Variants in NR1D2 observed in about 807,000 individuals in gnomAD.
NR1D2 encodes the protein V-erbA-related protein 1-related.
In NR1D2, 25 loss-of-function variants were observed where a neutral mutation model predicts 52.2. That is an observed-to-expected ratio of 0.48 (90% confidence interval 0.35 to 0.67). The LOEUF is 0.67. Ranked by LOEUF, NR1D2 falls within the 30% of genes least tolerant of loss-of-function variation. NR1D2 has a pLI of 0.01. For synonymous variants in NR1D2, 259 were observed against 230.1 expected (o/e 1.13, Z -1.14); for missense variants, 681 against 707.2 (o/e 0.96, Z 0.42).
Position 23,978,260 on chromosome 3 carries a change from A to G in NR1D2, c.*841A>G, listed in dbSNP as rs1027204815. On this transcript the variant is annotated 3_prime_UTR_variant, in exon 8 of 8. Coordinates refer to ENST00000312521, the MANE Select transcript of NR1D2 (RefSeq NM_005126.5). ...TATGTATGTGAATATAGTTAAATATATTTCTTCACAATATTTTAAACTGTG... is the reference window on the plus strand; with the variant it reads ...TATGTATGTGAATATAGTTAAATATGTTTCTTCACAATATTTTAAACTGTG... 1 of 152,176 alleles carries G rather than the reference A, an allele frequency of 6.6e-6. No homozygotes were observed. The highest frequency in any genetic ancestry group is 2.4e-5 in the African/African-American group (1 of 41,458). The allele number at this position is 152,176 out of a possible 1,614,324, so 9.4% of individuals were successfully genotyped here.
At chr3:23,951,659 AATC>A (rs1705937281) in intron 1 of NR1D2, among the ~76,000 whole-genome samples, 2 of 152,248 alleles carry the variant, frequency 1.3e-5, no homozygotes, top group African/African-American at 4.8e-5. Context: ...GTATCGATGA[AATC>A]ATCAATCTTT....
chr3:23,961,458 C>G (rs1706243055), intron 4 of NR1D2, among the ~76,000 whole-genome samples: 1 of 144,974 alleles, frequency 6.9e-6, no homozygotes, highest in Non-Finnish European at 1.5e-5. Flanking sequence ...TGCATTGGCA[C>G]CATCTCGACG....
intron 6 of NR1D2, among the ~76,000 whole-genome samples, chr3:23,966,016 G>A (rs897252292): frequency 6.6e-6 from 1 of 152,136 alleles, no homozygotes; most frequent in Non-Finnish European, 1.5e-5. Flanking sequence ...ATCCTGCTTG[G>A]GCTTGGGGTA....
intron 7 of NR1D2, 134 bp downstream of exon 7, chr3:23,968,157 C>A (rs1706499990): frequency 1.5e-6 from 1 of 661,222 alleles, no homozygotes; most frequent in Non-Finnish European, 2.6e-6. Flanking sequence ...ATTGTATGAC[C>A]CTGTTATTTT....
intron 1 of NR1D2, among the ~76,000 whole-genome samples, chr3:23,946,759 G>T (rs1467634115): frequency 1.3e-5 from 2 of 152,190 alleles, no homozygotes; most frequent in African/African-American, 4.8e-5. Context: ...CTGATCAAGA[G>T]AATTTGGCTT....
intron 6 of NR1D2, among the ~76,000 whole-genome samples, chr3:23,967,015 C>A (rs558977545): frequency 5.3e-5 from 8 of 151,476 alleles, no homozygotes; most frequent in African/African-American, 1.9e-4. Flanking sequence ...CAGAGCAAGA[C>A]CCTGTCTCAA....
intron 6 of NR1D2, among the ~76,000 whole-genome samples, chr3:23,965,479 T>C (rs1706418431): frequency 6.6e-6 from 1 of 151,396 alleles, no homozygotes; most frequent in Admixed American, 6.6e-5. Flanking sequence ...ACTCCTGAGC[T>C]CAAAGCGATC....
chr3:23,975,289 A>T (rs1402068359), intron 7 of NR1D2, among the ~76,000 whole-genome samples: 5 of 142,910 alleles, frequency 3.5e-5, no homozygotes, highest in East Asian at 2.0e-4. Context: ...ATTCAATTAA[A>T]TTTTTTTTTT....
intron 7 of NR1D2, among the ~76,000 whole-genome samples, chr3:23,971,677 G>A (rs1439587084): frequency 6.9e-6 from 1 of 144,706 alleles, no homozygotes; most frequent in African/African-American, 2.6e-5. Context: ...GGTTTTGTTG[G>A]TAATTTTAAT....
intron 7 of NR1D2, among the ~76,000 whole-genome samples, chr3:23,970,117 G>A (rs947387660): frequency 6.6e-6 from 1 of 152,194 alleles, no homozygotes; most frequent in Non-Finnish European, 1.5e-5. Flanking sequence ...GTTGAACAAA[G>A]TGATGTTTAA....
At chr3:23,972,631 A>G (rs558489315) in intron 7 of NR1D2, among the ~76,000 whole-genome samples, 1 of 152,312 alleles carries the variant, frequency 6.6e-6, no homozygotes, top group South Asian at 2.1e-4. Context: ...GTGAAAATAA[A>G]TAGAATATTT....
Position 23,946,126 on chromosome 3 carries a change from C to T in NR1D2, c.16+532C>T, listed in dbSNP as rs1459518332. On this transcript the variant is annotated intron_variant, in intron 1 of 7. Transcript: ENST00000312521. ...GCAGTGACGTCGCCGCGATTCCCTC[C>T]TCCCCCGCGGGGTTGCACACTGCGG... The T allele has an allele frequency of 8.1e-6, 8 of 984,828 alleles. No homozygotes were observed. In the South Asian group the frequency reaches 1.9e-4, roughly 23 times the overall value. 61.0% of individuals were successfully genotyped at this position (984,828 alleles called of 1,614,324 possible). A position where few individuals can be genotyped will look rare whatever the true frequency, so the allele number is the denominator to read the frequency against.
intron 5 of NR1D2, chr3:23,963,249 T>A: frequency 1.5e-6 from 2 of 1,351,576 alleles, no homozygotes; most frequent in Non-Finnish European, 2.0e-6. Flanking sequence ...CAGCCAAAAT[T>A]TCACCAAAAA....
At chr3:23,950,573 A>G (rs1705897312) in intron 1 of NR1D2, among the ~76,000 whole-genome samples, 1 of 152,212 alleles carries the variant, frequency 6.6e-6, no homozygotes, top group Non-Finnish European at 1.5e-5. Flanking sequence ...AGTCAGGTTC[A>G]TAGATGGGTG....
At chr3:23,960,065 T>G (rs1706196312) in intron 4 of NR1D2, 1 of 297,014 alleles carries the variant, frequency 3.4e-6, no homozygotes, top group South Asian at 8.9e-5. Flanking sequence ...TTTTTTTCTG[T>G]GCAATTTGAT....
intron 1 of NR1D2, among the ~76,000 whole-genome samples, chr3:23,954,306 G>A (rs1006386828): frequency 8.5e-5 from 13 of 152,244 alleles, no homozygotes; most frequent in South Asian, 4.2e-4. Context: ...CCAGTGTGCC[G>A]GGCCTATCTC....
chr3:23,949,943 G>A (rs753051631), intron 1 of NR1D2, among the ~76,000 whole-genome samples: 1 of 152,176 alleles, frequency 6.6e-6, no homozygotes, highest in African/African-American at 2.4e-5. Flanking sequence ...TTGACTTAAG[G>A]CTTGTCTGAA....
intron 7 of NR1D2, among the ~76,000 whole-genome samples, chr3:23,972,802 C>T (rs1559338486): frequency 6.6e-6 from 1 of 152,114 alleles, no homozygotes; most frequent in Non-Finnish European, 1.5e-5. Context: ...TTATAGTCTC[C>T]AGAAGATTGT....
At chr3:23,955,571 A>T (rs1706060633) in intron 2 of NR1D2, among the ~76,000 whole-genome samples, 1 of 152,018 alleles carries the variant, frequency 6.6e-6, no homozygotes, top group African/African-American at 2.4e-5. Context: ...CACACCTGTA[A>T]TCCCAATATT....
Sources: allele counts gnomAD v4.1 joint callset (sites outside exome capture counted in the v4.1 genomes callset), GRCh38; gene constraint gnomAD v4.1.1; transcripts MANE v1.5; gene names NCBI Gene and HGNC (gene_info 2026-07-23, HGNC 2026-07-21).